ZDBF2: variants seen among roughly 807,000 people sequenced by gnomAD.
ZDBF2 encodes zinc finger DBF-type containing 2, also known as DBF4-type zinc finger-containing protein 2.
In ZDBF2, 6 loss-of-function variants were observed where a neutral mutation model predicts 9.4. The ratio of observed to expected loss-of-function variants is 0.64; its 90% confidence interval spans 0.35 to 1.27. The LOEUF (loss-of-function observed/expected upper bound fraction) is 1.27. Ranked by LOEUF, ZDBF2 falls within the 50% of genes most tolerant of loss-of-function variation. ZDBF2 has a pLI of 0.03. For synonymous variants in ZDBF2, 905 were observed against 946.3 expected, an observed-to-expected ratio of 0.96 and a Z score of 0.80; for missense variants, 2,697 against 2,766.8, an observed-to-expected ratio of 0.97 and a Z score of 0.57.
rs991452349 is a variant in ZDBF2 at position 206,311,704 on chromosome 2, T to C, written c.*111T>C. 2.0e-5 allele frequency: 22 copies of C among 1,076,558 alleles called. No individual in the cohort carries two copies. Among genetic ancestry groups the C allele is most frequent in the Non-Finnish European group, 2.3e-5 (19 of 825,228 alleles). 66.7% of individuals were successfully genotyped at this position (1,076,558 alleles called of 1,614,324 possible). A position where few individuals can be genotyped will look rare whatever the true frequency, so the allele number is the denominator to read the frequency against. The stretch of plus-strand genomic sequence containing the variant: ...TTTGGTGAGAAAACTAATCTTGAAC[T>C]ATTTTGCTATAAATATTATTTTTCA... On this transcript the variant is annotated 3_prime_UTR_variant, in exon 5 of 5. Coordinates refer to ENST00000374423, the MANE Select transcript of ZDBF2 (RefSeq NM_020923.3).
At position 206,310,424 on chromosome 2, in the gene ZDBF2, G is replaced by A. The variant is rs888753998; in HGVS notation, c.5896G>A (p.Asp1966Asn). ...MKRKIIRQEE[D>N]PPKSKCSRLQ... ...AAGAAAAATAATTAGACAAGAGGAA[G>A]ACCCACCAAAAAGTAAGTGTTCACG... is the stretch of plus-strand genomic sequence containing the variant. The change falls in exon 5 of 5, where the codon GAC becomes AAC. Residue 1966 changes from aspartate (D) to asparagine (N), a missense_variant. Asp to Asn is a conservative substitution (Grantham distance 23). This residue lies in a region of ZDBF2 where 1,783 missense variants were observed against 1,776.5 expected (regional missense o/e 1.00). Transcript: ENST00000374423. The A allele has an allele frequency of 3.1e-6, 5 of 1,613,742 alleles. No individual in the cohort carries two copies. The African/African-American group carries it at 4.0e-5, about 13-fold the overall frequency.
chr2:206,294,690 T>A (rs1418739212), intron 3 of ZDBF2, among the ~76,000 whole-genome samples: 1 of 152,156 alleles, frequency 6.6e-6, no homozygotes, highest in African/African-American at 2.4e-5. Context: ...TATTCCCATC[T>A]TTATGTCCAC....
chr2:206,274,905 C>T lies in ZDBF2; in HGVS notation c.-144C>T, dbSNP rs1044629218. The stretch of plus-strand genomic sequence containing the variant: ...GAGAGCGCCCGGCTCGGTCCTCGGT[C>T]TCCACCGCGGCCCGGAAGGAATCCG... On this transcript the variant is annotated 5_prime_UTR_variant, in exon 1 of 5. Transcript: ENST00000374423. 1 of 151,686 alleles carries T rather than the reference C, an allele frequency of 6.6e-6. No individual in the cohort carries two copies. Among genetic ancestry groups the T allele is most frequent in the East Asian group, 1.9e-4 (1 of 5,146 alleles). 9.4% of individuals were successfully genotyped at this position (151,686 alleles called of 1,614,324 possible).
At chr2:206,293,800 T>C (rs1402570720) in intron 3 of ZDBF2, among the ~76,000 whole-genome samples, 1 of 152,190 alleles carries the variant, frequency 6.6e-6, no homozygotes, top group Admixed American at 6.5e-5. Context: ...GTAGGGAATA[T>C]AAATTTGTAC....
At position 206,307,001 on chromosome 2, in the gene ZDBF2, T is replaced by G. The variant is rs1692836989; in HGVS notation, c.2473T>G (p.Cys825Gly). ...VDLESKSNESCVSEITFDSDI... is the reference protein window; with the variant it reads ...VDLESKSNESGVSEITFDSDI... Reference sequence around the variant, plus strand: ...TCTGGAAAGTAAAAGTAATGAATCTTGTGTCTCTGAAATAACTTTTGATTC... The same window carrying G: ...TCTGGAAAGTAAAAGTAATGAATCTGGTGTCTCTGAAATAACTTTTGATTC... Residue 825 changes from cysteine to glycine, a missense_variant, in exon 5 of 5, where the codon TGT becomes GGT. Around this residue, in one of 3 missense-constraint regions of ZDBF2, gnomAD observed 910 missense variants for 973.6 expected, o/e 0.93. Transcript: ENST00000374423. The G allele has an allele frequency of 1.2e-6, 2 of 1,613,562 alleles. No individual in the cohort carries two copies. Among genetic ancestry groups the G allele is most frequent in the African/African-American group, 1.3e-5 (1 of 74,930 alleles).
chr2:206,289,872 A>G (rs1015747731), intron 3 of ZDBF2, among the ~76,000 whole-genome samples: 11 of 152,036 alleles, frequency 7.2e-5, no homozygotes, highest in Non-Finnish European at 1.3e-4. Context: ...CCTGGTTCCC[A>G]GCTGATCCCA....
intron 1 of ZDBF2, among the ~76,000 whole-genome samples, chr2:206,278,033 G>T (rs1691117796): frequency 6.6e-6 from 1 of 152,002 alleles, no homozygotes; most frequent in Non-Finnish European, 1.5e-5. Flanking sequence ...GTATATGAAG[G>T]TGCTCATTAT....
In ZDBF2 at chr2:206,312,635, C is replaced by G. The variant is rs1185578357; in HGVS notation, c.*1042C>G. On this transcript the variant is annotated 3_prime_UTR_variant, in exon 5 of 5. Transcript: ENST00000374423. ...TTCACTATGTTGGCCAGGCTGGTCT[C>G]AAACTCCTGACCTTGTGGTCCACCC... The G allele has an allele frequency of 6.6e-6, 1 of 152,054 alleles. No individual in the cohort carries two copies. The highest frequency in any genetic ancestry group is 1.5e-5 in the Non-Finnish European group (1 of 68,032). 9.4% of individuals were successfully genotyped at this position (152,054 alleles called of 1,614,324 possible). A position where few individuals can be genotyped will look rare whatever the true frequency, so the allele number is the denominator to read the frequency against.
intron 4 of ZDBF2, among the ~76,000 whole-genome samples, chr2:206,300,104 G>A (rs1443082789): frequency 6.6e-6 from 1 of 151,990 alleles, no homozygotes; most frequent in African/African-American, 2.4e-5. Context: ...AGCGAAACTT[G>A]GTCTCAAAAC....
At chr2:206,295,960 A>G (rs9973940) in intron 3 of ZDBF2, among the ~76,000 whole-genome samples, 3,703 of 152,256 alleles carry the variant, frequency 0.024, 110 homozygotes, top group African/African-American at 0.069. Flanking sequence ...TCTGAAAGAA[A>G]ATAAAGGTAC....
chr2:206,307,000 TTG>T lies in ZDBF2; in HGVS notation c.2476_2477del (p.Val826LeufsTer2). ...ATCTGGAAAGTAAAAGTAATGAATC[TTG>T]TGTCTCTGAAATAACTTTTGATTCT... ...VDLESKSNESCVSEITFDSDI... is the reference protein window; with the variant it reads ...VDLESKSNESXVSEITFDSDI... On this transcript the variant is annotated frameshift_variant, in exon 5 of 5. Transcript: ENST00000374423. LOFTEE classifies it low-confidence loss of function (END_TRUNC). 6.2e-7 allele frequency: 1 copy of T among 1,613,712 alleles called. No homozygotes were observed. Among genetic ancestry groups the T allele is most frequent in the Non-Finnish European group, 8.5e-7 (1 of 1,179,770 alleles).
chr2:206,288,418 T>C (rs1470468536), intron 3 of ZDBF2, among the ~76,000 whole-genome samples: 1 of 152,230 alleles, frequency 6.6e-6, no homozygotes, highest in African/African-American at 2.4e-5. Flanking sequence ...GTGAATGTCC[T>C]TGATGTCAAG....
At chr2:206,304,266 TG>T (rs1462839253) in intron 4 of ZDBF2, among the ~76,000 whole-genome samples, 2 of 152,248 alleles carry the variant, frequency 1.3e-5, no homozygotes, top group Non-Finnish European at 2.9e-5. Context: ...CATTTGTGAA[TG>T]CTTACTGTGT....
rs541548275 is a variant in ZDBF2 at position 206,305,736 on chromosome 2, G to C, written c.1208G>C (p.Gly403Ala). 1 of 1,613,718 alleles carries C rather than the reference G, an allele frequency of 6.2e-7. No individual in the cohort carries two copies. The highest frequency in any genetic ancestry group is 1.1e-5 in the South Asian group (1 of 91,066). The change falls in exon 5 of 5, where the codon GGT (glycine) becomes GCT (alanine). Residue 403 changes from glycine (G) to alanine (A), a missense_variant. This residue lies in a region of ZDBF2 where 910 missense variants were observed against 973.6 expected (regional missense o/e 0.93). Coordinates refer to ENST00000374423, the MANE Select transcript of ZDBF2 (RefSeq NM_020923.3). ...CAAGAAGATAACTATGAGTCTAGAG[G>C]TTCAGAAATGAGTTTTGATTGCAGT... ...IDQEDNYESR[G>A]SEMSFDCSSS...
In ZDBF2 at chr2:206,311,418, C is replaced by T. The variant is rs756169856; in HGVS notation, c.6890C>T (p.Ala2297Val). 9.9e-6 allele frequency: 16 copies of T among 1,610,256 alleles called. No individual in the cohort carries two copies. The highest frequency in any genetic ancestry group is 1.4e-5 in the Non-Finnish European group (16 of 1,178,522). The change falls in exon 5 of 5, where the codon GCT (alanine) becomes GTT (valine). Residue 2297 changes from alanine (A) to valine (V), a missense_variant. Physicochemically the swap from Ala to Val is moderately conservative, Grantham distance 64 (BLOSUM62 0). Coordinates refer to ENST00000374423, the MANE Select transcript of ZDBF2 (RefSeq NM_020923.3). ...CCTCCTCCAAAGCGACCTGTGCGGG[C>T]TTCTTGCCGCGTTGCAAGAAGGAGG... ...ANPPPKRPVR[A>V]SCRVARRRKK...
At chr2:206,289,922 C>A (rs1358474503) in intron 3 of ZDBF2, among the ~76,000 whole-genome samples, 1 of 152,184 alleles carries the variant, frequency 6.6e-6, no homozygotes, top group African/African-American at 2.4e-5. Flanking sequence ...TTCCCTTCTG[C>A]TCTCTGTGTT....
Position 206,307,797 on chromosome 2 carries a change from C to A in ZDBF2, c.3269C>A (p.Ala1090Glu). ...TTTGATTCTGAACAACTTCAGGAAG[C>A]GGTTAAAAAAATAGACCAATGGAAG... ...ITFDSEQLQEAVKKIDQWKEE... is the reference protein window; with the variant it reads ...ITFDSEQLQEEVKKIDQWKEE... Residue 1090 changes from alanine to glutamate, a missense_variant, in exon 5 of 5, where the codon GCG (alanine) becomes GAG (glutamate). Transcript: ENST00000374423. 6.2e-7 allele frequency: 1 copy of A among 1,609,400 alleles called. No homozygotes were observed. Among genetic ancestry groups the A allele is most frequent in the South Asian group, 1.1e-5 (1 of 89,820 alleles).
chr2:206,309,501 G>C lies in ZDBF2; in HGVS notation c.4973G>C (p.Cys1658Ser). The change falls in exon 5 of 5, where the codon TGT becomes TCT. Residue 1658 changes from cysteine (C) to serine (S), a missense_variant. This residue lies in a region of ZDBF2 where 1,783 missense variants were observed against 1,776.5 expected (regional missense o/e 1.00). Transcript: ENST00000374423. ...VKYIDSEDKSCGYNGSKGKFN... is the reference protein window; with the variant it reads ...VKYIDSEDKSSGYNGSKGKFN... The stretch of plus-strand genomic sequence containing the variant: ...TATATTGATTCAGAAGATAAGAGCT[G>C]TGGATATAATGGTTCTAAAGGAAAA... 1 of 1,613,998 alleles carries C rather than the reference G, an allele frequency of 6.2e-7. No individual in the cohort carries two copies. Among genetic ancestry groups the C allele is most frequent in the Non-Finnish European group, 8.5e-7 (1 of 1,179,898 alleles).
intron 3 of ZDBF2, among the ~76,000 whole-genome samples, chr2:206,285,566 T>A (rs1244216582): frequency 6.6e-6 from 1 of 152,244 alleles, no homozygotes; most frequent in African/African-American, 2.4e-5. Flanking sequence ...ATGAATGGTT[T>A]GCAAATATTT....
Sources: gnomAD v4.1 joint callset for allele counts (sites outside exome capture counted in the v4.1 genomes callset) on GRCh38, gnomAD v4.1.1 for gene constraint, gnomAD v4.1.1 regional missense constraint, MANE v1.5 for transcripts, NCBI Gene and HGNC (gene_info 2026-07-23, HGNC 2026-07-21) for gene names.